Variants in NEDD4L observed in about 807,000 individuals in gnomAD.
The protein encoded by NEDD4L is NEDD4 like E3 ubiquitin protein ligase, also known as E3 ubiquitin-protein ligase NEDD4-like.
In NEDD4L, 54 loss-of-function variants were observed where a neutral mutation model predicts 148.9. The ratio of observed to expected loss-of-function variants is 0.36; its 90% CI spans 0.29 to 0.45. NEDD4L has a LOEUF of 0.45. Ranked by LOEUF, NEDD4L falls within the 20% of genes least tolerant of loss-of-function variation. The pLI, the probability that NEDD4L is intolerant of heterozygous loss-of-function variation, is 1.00. For synonymous variants in NEDD4L, 433 were observed against 440.7 expected (o/e 0.98, Z 0.22); for missense variants, 856 against 1,233.8 (o/e 0.69, Z 4.59).
chr18:58,044,829 A>C, intron 1 of NEDD4L, 121 bp downstream of exon 1: 1 of 1,255,630 alleles, frequency 8.0e-7, no homozygotes, highest in Non-Finnish European at 1.1e-6. Flanking sequence ...GGGAGCCCCA[A>C]AGCGGGAGCG....
At chr18:58,225,443 G>T (rs560606981) in intron 2 of NEDD4L, among the ~76,000 whole-genome samples, 60 of 152,302 alleles carry the variant, frequency 3.9e-4, no homozygotes, top group African/African-American at 1.4e-3. Context: ...GCCTGATGCT[G>T]GGTTTTATCC....
chr18:58,145,053 C>T (rs1029723462), intron 1 of NEDD4L, among the ~76,000 whole-genome samples: 9 of 152,158 alleles, frequency 5.9e-5, no homozygotes, highest in Non-Finnish European at 1.2e-4. Context: ...GACCTGAGCC[C>T]AGGAGCCAAG....
intron 13 of NEDD4L, 82 bp downstream of exon 13, chr18:58,335,619 GT>G: frequency 1.9e-6 from 2 of 1,051,008 alleles, no homozygotes; most frequent in South Asian, 2.5e-5. Context: ...AATATACGCT[GT>G]TTTTAAAAAT....
chr18:58,072,872 G>GCACA (rs766485355), intron 1 of NEDD4L, among the ~76,000 whole-genome samples: 10,704 of 131,450 alleles, frequency 0.081, 483 homozygotes, highest in Admixed American at 0.13. Flanking sequence ...GCGCGCGCGC[G>GCACA]CACACACACA....
chr18:58,285,584 A>G (rs1042937569), intron 5 of NEDD4L, among the ~76,000 whole-genome samples: 4 of 152,214 alleles, frequency 2.6e-5, no homozygotes, highest in Non-Finnish European at 5.9e-5. Flanking sequence ...CGTTTAAACT[A>G]TAAACTAAAT....
At chr18:58,380,951 C>T (rs527974405) in intron 24 of NEDD4L, among the ~76,000 whole-genome samples, 64 of 152,244 alleles carry the variant, frequency 4.2e-4, no homozygotes, top group East Asian at 7.7e-4. Context: ...ACTTTGTAGA[C>T]GTGCCATATA....
chr18:58,089,123 A>G (rs557329372), intron 1 of NEDD4L, among the ~76,000 whole-genome samples: 5 of 141,994 alleles, frequency 3.5e-5, no homozygotes, highest in African/African-American at 1.4e-4. Context: ...GTTTTATTTC[A>G]TAATTTTTTT....
intron 2 of NEDD4L, among the ~76,000 whole-genome samples, chr18:58,180,894 C>G (rs1206837497): frequency 6.6e-6 from 1 of 152,216 alleles, no homozygotes; most frequent in African/African-American, 2.4e-5. Flanking sequence ...ACTGTCTATT[C>G]CTTCTCTGGT....
At chr18:58,388,941 G>A in intron 27 of NEDD4L, 144 bp from the exon 28 acceptor site, 1 of 680,352 alleles carries the variant, frequency 1.5e-6, no homozygotes. Flanking sequence ...TGGAACAGGT[G>A]TCTGCCTTCC....
chr18:58,227,374 G>T (rs57898414), intron 2 of NEDD4L, among the ~76,000 whole-genome samples: 1,713 of 152,296 alleles, frequency 0.011, 28 homozygotes, highest in African/African-American at 0.039. Context: ...TCCTGGGGGT[G>T]TCCTGAAGGA....
chr18:58,364,437 A>C (rs1601727448), intron 20 of NEDD4L, 104 bp downstream of exon 20: 10 of 672,210 alleles, frequency 1.5e-5, no homozygotes, highest in Non-Finnish European at 2.6e-5. Flanking sequence ...ATGAATGCTA[A>C]AAATATTACC....
intron 26 of NEDD4L, 137 bp from the exon 27 acceptor site, chr18:58,387,302 T>C: frequency 1.0e-6 from 1 of 982,956 alleles, no homozygotes; most frequent in Non-Finnish European, 1.4e-6. Context: ...TATAGTTACT[T>C]GATACTGTCA....
At position 58,256,426 on chromosome 18, in the gene NEDD4L, T is replaced by C. The variant is rs1032819104; in HGVS notation, c.297+4372T>C. On this transcript the variant is annotated intron_variant, in intron 5 of 30. Transcript: ENST00000400345. The surrounding 1 kb of genome is among the most constrained non-coding windows in gnomAD (Gnocchi z 5.2). ...CGGGGCCAGGCAGCGACCTCAACTTTGGCTTCACGGGCACAAAGGGGGACA... is the reference window on the plus strand; with the variant it reads ...CGGGGCCAGGCAGCGACCTCAACTTCGGCTTCACGGGCACAAAGGGGGACA... 1.2e-5 allele frequency: 15 copies of C among 1,232,168 alleles called. No individual in the cohort carries two copies. The highest frequency in any genetic ancestry group is 5.1e-6 in the Non-Finnish European group (5 of 988,082). 76.3% of individuals were successfully genotyped at this position (1,232,168 alleles called of 1,614,324 possible).
chr18:58,364,950 A>G (rs1197771696), intron 20 of NEDD4L, among the ~76,000 whole-genome samples: 2 of 152,222 alleles, frequency 1.3e-5, no homozygotes, highest in Non-Finnish European at 2.9e-5. Context: ...CCTCTGTTTT[A>G]CTTTCCGATT....
At chr18:58,315,131 C>A (rs8087044) in intron 5 of NEDD4L, among the ~76,000 whole-genome samples, 77,806 of 151,718 alleles carry the variant, frequency 0.51, 20,324 homozygotes, top group African/African-American at 0.61. Flanking sequence ...CCAGCTGCAT[C>A]TTTTTATATG....
intron 2 of NEDD4L, among the ~76,000 whole-genome samples, chr18:58,183,822 C>T (rs763026020): frequency 7.2e-5 from 11 of 152,186 alleles, no homozygotes; most frequent in Non-Finnish European, 8.8e-5. Flanking sequence ...TTTTGTTTAA[C>T]TTCTACCCTC....
chr18:58,225,384 G>A (rs2044242631), intron 2 of NEDD4L, among the ~76,000 whole-genome samples: 1 of 152,200 alleles, frequency 6.6e-6, no homozygotes, highest in Non-Finnish European at 1.5e-5. Context: ...TGTGGGCGGG[G>A]AACCCACTGT....
At chr18:58,392,773 A>G (rs2050003675) in intron 30 of NEDD4L, among the ~76,000 whole-genome samples, 1 of 152,188 alleles carries the variant, frequency 6.6e-6, no homozygotes, top group Admixed American at 6.5e-5. Context: ...TGGCCTCCAT[A>G]TGAAGGCACC....
intron 1 of NEDD4L, among the ~76,000 whole-genome samples, chr18:58,132,244 AGTG>A (rs34372145): frequency 0.24 from 37,120 of 151,994 alleles, 5,512 homozygotes; most frequent in Non-Finnish European, 0.35. Flanking sequence ...TTTTGATGGT[AGTG>A]GTGGTGGTTT....
Sources: gnomAD v4.1 joint callset for allele counts (sites outside exome capture counted in the v4.1 genomes callset) on GRCh38, gnomAD v4.1.1 for gene constraint, Gnocchi (gnomAD v3.1) non-coding constraint, MANE v1.5 for transcripts, NCBI Gene and HGNC (gene_info 2026-07-23, HGNC 2026-07-21) for gene names.